The following HADHB variants were observed in gnomAD, a reference collection of about 807,000 sequenced individuals.
HADHB encodes the protein hydroxyacyl-CoA dehydrogenase trifunctional multienzyme complex subunit beta.
Under a neutral mutation model 61.9 loss-of-function variants are expected in HADHB, and 50 were observed. The observed-to-expected ratio is 0.81, with a 90% CI of 0.64 to 1.02. The LOEUF (loss-of-function observed/expected upper bound fraction) is 1.02, where lower values mean the gene tolerates loss of function less well. Among genes scored for constraint, HADHB ranks in the 50% least tolerant of loss-of-function variants. The pLI is 0.00. For synonymous variants in HADHB, 191 were observed against 201.6 expected, an observed-to-expected ratio of 0.95 and a Z score of 0.45; for missense variants, 504 against 586.5, an observed-to-expected ratio of 0.86 and a Z score of 1.45.
rs1429513694 is a variant in HADHB, at chr2:26,273,245, AGG to A, written c.255-405_255-404del. ...TTTCAAACTAAAATTTAACATACCC[AGG>A]ACTTCTTTTTTTTTAATTTTTTTTA... On this transcript the variant is annotated intron_variant, in intron 5 of 15. Coordinates refer to ENST00000317799, the MANE Select transcript of HADHB (RefSeq NM_000183.3). Among the ~76,000 whole-genome samples the A allele has an allele frequency of 2.5e-3, 385 of 152,262 alleles. 3 individuals carry two copies. The highest frequency in any genetic ancestry group is 8.9e-3 in the African/African-American group (370 of 41,532).
chr2:26,261,090 A>C (rs1292157578), intron 3 of HADHB: 5 of 1,145,194 alleles, frequency 4.4e-6, no homozygotes, highest in East Asian at 2.5e-5. Flanking sequence ...CTCTGAATCT[A>C]ATCAGCTTTT....
intron 5 of HADHB, 40 bp from the exon 6 acceptor site, chr2:26,273,611 A>G: frequency 9.3e-7 from 1 of 1,076,568 alleles, no homozygotes; most frequent in South Asian, 1.2e-5. Flanking sequence ...CACTGCCTTG[A>G]TGTGTGAAAT....
At chr2:26,253,961 C>T (rs1671509620) in intron 1 of HADHB, among the ~76,000 whole-genome samples, 1 of 152,148 alleles carries the variant, frequency 6.6e-6, no homozygotes, top group Non-Finnish European at 1.5e-5. Context: ...CTCAATCCTA[C>T]TATGCCTCAA....
intron 15 of HADHB, among the ~76,000 whole-genome samples, chr2:26,287,066 T>C (rs921554240): frequency 5.9e-5 from 9 of 151,744 alleles, no homozygotes; most frequent in African/African-American, 2.2e-4. Context: ...TAGCCTAGTG[T>C]GGTGGTGTGC....
chr2:26,258,528 C>G (rs894552817), intron 3 of HADHB, among the ~76,000 whole-genome samples: 1 of 152,176 alleles, frequency 6.6e-6, no homozygotes, highest in African/African-American at 2.4e-5. Context: ...AGAAACGCAG[C>G]GGACACCCTG....
In HADHB at chr2:26,263,409, G is replaced by A; in HGVS notation, c.139G>A (p.Ala47Thr). Residue 47 changes from alanine to threonine, a missense_variant, in exon 4 of 16, where the codon GCC (alanine) becomes ACC (threonine). Ala to Thr is a moderately conservative substitution (Grantham distance 58, BLOSUM62 0). Transcript: ENST00000317799. ...AVQTKTKKTL[A>T]KPNIRNVVVV... ...CCAGACCAAAACGAAGAAGACGTTAGCCAAACCCAATATAAGGAATGTTGT... is the reference window on the plus strand; with the variant it reads ...CCAGACCAAAACGAAGAAGACGTTAACCAAACCCAATATAAGGAATGTTGT... 6.2e-7 allele frequency: 1 copy of A among 1,613,174 alleles called. No homozygotes were observed. Among genetic ancestry groups the A allele is most frequent in the African/African-American group, 1.3e-5 (1 of 75,004 alleles).
chr2:26,259,881 G>A (rs1182504611), intron 3 of HADHB, among the ~76,000 whole-genome samples: 1 of 152,122 alleles, frequency 6.6e-6, no homozygotes, highest in Non-Finnish European at 1.5e-5. Context: ...CAGGCAGATG[G>A]GAGGTCCATA....
At chr2:26,263,611 AAT>A in intron 4 of HADHB, 132 bp downstream of exon 4, 1 of 716,132 alleles carries the variant, frequency 1.4e-6, no homozygotes. Context: ...CCATGAAATT[AAT>A]ATAGAATAAG....
At chr2:26,271,714 G>C (rs1184457831) in intron 5 of HADHB, among the ~76,000 whole-genome samples, 1 of 152,028 alleles carries the variant, frequency 6.6e-6, no homozygotes, top group East Asian at 1.9e-4. Flanking sequence ...GAGGATCAAG[G>C]TAGGAGGATC....
intron 1 of HADHB, among the ~76,000 whole-genome samples, chr2:26,251,068 A>G (rs899498079): frequency 6.6e-6 from 1 of 151,428 alleles, no homozygotes; most frequent in Non-Finnish European, 1.5e-5. Context: ...TTTATTATAC[A>G]CTAAATTCTT....
intron 13 of HADHB, among the ~76,000 whole-genome samples, chr2:26,284,502 GC>G (rs1455927414): frequency 1.4e-5 from 2 of 142,164 alleles, no homozygotes; most frequent in African/African-American, 5.3e-5. Context: ...TTGCTCTGTT[GC>G]CCCAGCTGGA....
intron 7 of HADHB, among the ~76,000 whole-genome samples, chr2:26,278,035 A>C (rs1672621205): frequency 6.6e-6 from 1 of 152,226 alleles, no homozygotes; most frequent in Non-Finnish European, 1.5e-5. Context: ...AGGAAGCCTG[A>C]AAGATTTAGT....
At chr2:26,252,254 T>G (rs761680557) in intron 1 of HADHB, among the ~76,000 whole-genome samples, 8 of 152,202 alleles carry the variant, frequency 5.3e-5, no homozygotes, top group Non-Finnish European at 1.2e-4. Flanking sequence ...TTCTGTGATA[T>G]GGAGAGGGAG....
chr2:26,273,736 A>T lies in HADHB; in HGVS notation c.340A>T (p.Asn114Tyr). 6.3e-7 allele frequency: 1 copy of T among 1,583,236 alleles called. No homozygotes were observed. The highest frequency in any genetic ancestry group is 8.7e-7 in the Non-Finnish European group (1 of 1,151,938). Residue 114 changes from asparagine to tyrosine, a missense_variant, in exon 6 of 16, where the codon AAT (asparagine) becomes TAT (tyrosine). Coordinates refer to ENST00000317799, the MANE Select transcript of HADHB (RefSeq NM_000183.3). ...AGTTATTCAGGAAGTGAAAACAAGC[A>T]ATGTGGCTAGAGAGGTGAGTAAAAC... is the stretch of plus-strand genomic sequence containing the variant. The part of the protein sequence containing the change: ...GTVIQEVKTS[N>Y]VAREAALGAG...
At chr2:26,288,007 C>A (rs1046997212) in intron 15 of HADHB, among the ~76,000 whole-genome samples, 2 of 152,092 alleles carry the variant, frequency 1.3e-5, no homozygotes, top group Non-Finnish European at 2.9e-5. Context: ...TAGCTTATGC[C>A]TGTGATCGCA....
At chr2:26,283,523 CA>C (rs1167985331) in intron 12 of HADHB, among the ~76,000 whole-genome samples, 2 of 151,574 alleles carry the variant, frequency 1.3e-5, no homozygotes, top group Non-Finnish European at 2.9e-5. Flanking sequence ...GACTCCATCT[CA>C]AAAAAATAAA....
intron 8 of HADHB, 128 bp downstream of exon 8, chr2:26,278,929 A>T (rs1672670723): frequency 6.0e-6 from 6 of 1,000,362 alleles, no homozygotes; most frequent in Non-Finnish European, 9.5e-6. Context: ...CTTGCTCAAG[A>T]TGGAAAAAAA....
intron 15 of HADHB, among the ~76,000 whole-genome samples, chr2:26,289,181 C>T (rs1159367974): frequency 5.3e-5 from 8 of 152,050 alleles, no homozygotes; most frequent in Admixed American, 2.6e-4. Context: ...ACCCGGGAGG[C>T]GGAGCTTGCA....
intron 4 of HADHB, 31 bp from the exon 5 acceptor site, chr2:26,269,922 T>G: frequency 6.6e-7 from 1 of 1,522,190 alleles, no homozygotes; most frequent in Non-Finnish European, 9.1e-7. Flanking sequence ...CTCTAGGGTT[T>G]TGGTTTAAAT....
Sources: allele counts gnomAD v4.1 joint callset (sites outside exome capture counted in the v4.1 genomes callset), GRCh38; gene constraint gnomAD v4.1.1; transcripts MANE v1.5; gene names NCBI Gene and HGNC (gene_info 2026-07-23, HGNC 2026-07-21).